B4GALT6: variants seen among roughly 807,000 people sequenced by gnomAD.
B4GALT6 encodes beta-1,4-galactosyltransferase 6, also known as UDP-Gal:beta-GlcNAc beta-1,4-galactosyltransferase 6.
In B4GALT6, 14 loss-of-function variants were observed where a neutral mutation model predicts 46.3. The ratio of observed to expected loss-of-function variants is 0.30; its 90% CI spans 0.20 to 0.47. The LOEUF is 0.47. B4GALT6 is among the 20% of genes least tolerant of loss of function. The probability of loss-of-function intolerance (pLI) is 0.99; values close to 1 mark genes in which losing one functional copy is unlikely to be tolerated. For synonymous variants in B4GALT6, 168 were observed against 162.0 expected, an observed-to-expected ratio of 1.04 and a Z score of -0.28; for missense variants, 386 against 480.1, an observed-to-expected ratio of 0.80 and a Z score of 1.83.
At chr18:31,631,185 C>G (rs1209974070) in intron 5 of B4GALT6, 39 bp from the exon 6 acceptor site, 2 of 1,485,908 alleles carry the variant, frequency 1.3e-6, no homozygotes, top group Admixed American at 2.3e-5. Context: ...TAGAAATGTA[C>G]TCACACTTCA....
intron 5 of B4GALT6, among the ~76,000 whole-genome samples, chr18:31,636,799 TTC>T (rs1354914993): frequency 6.6e-6 from 1 of 152,198 alleles, no homozygotes; most frequent in African/African-American, 2.4e-5. Context: ...GAAAATTAAA[TTC>T]TTTTTTTCAA....
chr18:31,626,938 T>C (rs1490320130), intron 7 of B4GALT6, 61 bp downstream of exon 7: 3 of 1,423,184 alleles, frequency 2.1e-6, no homozygotes, highest in African/African-American at 2.9e-5. Context: ...TACTACAATT[T>C]ACCTAATATA....
At chr18:31,708,353 C>A in the B4GALT6 span, among the ~76,000 whole-genome samples, 1 of 152,128 alleles carries the variant, frequency 6.6e-6, no homozygotes, top group African/African-American at 2.4e-5. Flanking sequence ...TCACTTGAGG[C>A]CAGGAGTTCA....
At chr18:31,684,609 T>G (rs1214960838), upstream of B4GALT6, 3 of 1,082,486 alleles carry the variant, frequency 2.8e-6, no homozygotes, top group South Asian at 2.0e-5. Flanking sequence ...ACGGAATGAA[T>G]GGGAGGCCAG....
At chr18:31,644,873 A>G (rs149080032) in intron 4 of B4GALT6, among the ~76,000 whole-genome samples, 9 of 152,344 alleles carry the variant, frequency 5.9e-5, no homozygotes, top group African/African-American at 2.2e-4. Context: ...CCTCTTTATA[A>G]TCTTGGATTC....
At chr18:31,631,762 A>G (rs561627819) in intron 5 of B4GALT6, among the ~76,000 whole-genome samples, 1 of 152,302 alleles carries the variant, frequency 6.6e-6, no homozygotes, top group South Asian at 2.1e-4. Context: ...CTAACTTTCT[A>G]TTATTAATGC....
chr18:31,684,884 G>A (rs1326894560), upstream of B4GALT6, among the ~76,000 whole-genome samples: 1 of 150,256 alleles, frequency 6.7e-6, no homozygotes, highest in African/African-American at 2.4e-5. Context: ...GTCCCGCCGC[G>A]AAGCCCCGTG....
chr18:31,669,688 T>C (rs1474293687), intron 1 of B4GALT6, among the ~76,000 whole-genome samples: 1 of 152,028 alleles, frequency 6.6e-6, no homozygotes, highest in African/African-American at 2.4e-5. Flanking sequence ...GAAGACAAGC[T>C]AACATTAACA....
intron 1 of B4GALT6, among the ~76,000 whole-genome samples, chr18:31,678,823 A>AG (rs922903585): frequency 3.3e-5 from 5 of 152,208 alleles, no homozygotes; most frequent in African/African-American, 1.2e-4. Context: ...GCCCTTGGAC[A>AG]GGGGGGCAAA....
chr18:31,684,175 G>A, intron 1 of B4GALT6, 137 bp downstream of exon 1: 3 of 1,401,966 alleles, frequency 2.1e-6, no homozygotes, highest in Non-Finnish European at 2.8e-6. Flanking sequence ...TGACACGTCT[G>A]AAATAACATT....
intron 3 of B4GALT6, among the ~76,000 whole-genome samples, chr18:31,648,951 A>C (rs191049568): frequency 2.6e-5 from 4 of 152,306 alleles, no homozygotes; most frequent in Admixed American, 2.0e-4. Context: ...TTTTACCCTC[A>C]GGGTTTTAAA....
At chr18:31,690,257 G>A (rs540667983), upstream of B4GALT6, among the ~76,000 whole-genome samples, 8 of 150,524 alleles carry the variant, frequency 5.3e-5, no homozygotes, top group Non-Finnish European at 7.4e-5. Context: ...TCAGCCTCCC[G>A]AGTAGCTGGG....
rs544511294 is a variant in B4GALT6, at chr18:31,657,968, C to T, written c.346+8G>A. The stretch of plus-strand genomic sequence containing the variant: ...AAACAGTTAAGTCAAAATTAGATGA[C>T]GACTTACGCATATAAGGCAGCTTTT... On this transcript the variant is annotated splice_region_variant and intron_variant, in intron 3 of 8. Coordinates refer to ENST00000306851, the MANE Select transcript of B4GALT6 (RefSeq NM_004775.5). 1.1e-5 allele frequency: 18 copies of T among 1,594,166 alleles called. No homozygotes were observed. Among genetic ancestry groups the T allele is most frequent in the South Asian group, 8.9e-5 (8 of 90,104 alleles).
chr18:31,632,595 T>C (rs2073805148), intron 5 of B4GALT6, among the ~76,000 whole-genome samples: 1 of 152,204 alleles, frequency 6.6e-6, no homozygotes, highest in Non-Finnish European at 1.5e-5. Context: ...TGACTTCTTA[T>C]CATGGTAGTG....
In B4GALT6 at chr18:31,645,416, T is replaced by C. The variant is rs2073980043; in HGVS notation, c.410A>G (p.Lys137Arg). Residue 137 changes from lysine (K) to arginine (R), a missense_variant, in exon 4 of 9, where the codon AAG becomes AGG. Transcript: ENST00000306851. ...SFDEIHQLFSKDLDIEPGGHW... is the reference protein window; with the variant it reads ...SFDEIHQLFSRDLDIEPGGHW... ...ACCCCCTGGCTCAATATCTAAATCC[T>C]TGGAGAAGAGTTGATGAATTTCATC... 3.1e-6 allele frequency: 5 copies of C among 1,613,894 alleles called. No homozygotes were observed. The highest frequency in any genetic ancestry group is 3.4e-6 in the Non-Finnish European group (4 of 1,179,908).
the B4GALT6 span, among the ~76,000 whole-genome samples, chr18:31,705,402 T>C: frequency 6.6e-6 from 1 of 152,204 alleles, no homozygotes; most frequent in African/African-American, 2.4e-5. Context: ...TATTTATTCA[T>C]TTTGAGATGG....
intron 1 of B4GALT6, among the ~76,000 whole-genome samples, chr18:31,673,428 C>T (rs773637668): frequency 6.6e-6 from 1 of 152,116 alleles, no homozygotes; most frequent in Non-Finnish European, 1.5e-5. Flanking sequence ...ACACCCAGGG[C>T]ATGCCCAGGC....
the B4GALT6 span, among the ~76,000 whole-genome samples, chr18:31,712,314 T>A: frequency 7.1e-5 from 5 of 70,684 alleles, no homozygotes; most frequent in African/African-American, 1.9e-4. Context: ...TTTTTTTTTT[T>A]TTTTTGTAGA....
At chr18:31,674,495 G>A (rs534332445) in intron 1 of B4GALT6, among the ~76,000 whole-genome samples, 238 of 152,268 alleles carry the variant, frequency 1.6e-3, no homozygotes, top group Non-Finnish European at 2.4e-3. Flanking sequence ...CGGAACACTG[G>A]AAATAATATG....
Sources: allele counts gnomAD v4.1 joint callset (sites outside exome capture counted in the v4.1 genomes callset), GRCh38; gene constraint gnomAD v4.1.1; transcripts MANE v1.5; gene names NCBI Gene and HGNC (gene_info 2026-07-23, HGNC 2026-07-21).